Variants in CDS1 observed in about 807,000 individuals in gnomAD.
CDS1 encodes the protein phosphatidate cytidylyltransferase 1.
A neutral mutation model predicts 62.1 loss-of-function variants in CDS1; 41 were observed. That is an observed-to-expected ratio of 0.66 (90% CI 0.51 to 0.86). The LOEUF (loss-of-function observed/expected upper bound fraction) is 0.86, where lower values mean the gene tolerates loss of function less well. Among genes scored for constraint, CDS1 ranks in the 40% least tolerant of loss-of-function variants. CDS1 has a pLI of 0.00. For synonymous variants in CDS1, 185 were observed against 192.6 expected (o/e 0.96, Z 0.32); for missense variants, 470 against 550.1 (o/e 0.85, Z 1.46).
chr4:84,639,316 A>G (rs750694862), intron 9 of CDS1, among the ~76,000 whole-genome samples: 22 of 152,154 alleles, frequency 1.4e-4, no homozygotes, highest in Admixed American at 2.0e-4. Context: ...TCTAACAGCT[A>G]TTCTGCCTTA....
At chr4:84,596,294 T>C (rs935192953) in intron 1 of CDS1, among the ~76,000 whole-genome samples, 8 of 152,162 alleles carry the variant, frequency 5.3e-5, no homozygotes, top group African/African-American at 1.7e-4. Context: ...TAAAATAATA[T>C]AAACTTACCT....
Position 84,583,330 on chromosome 4 carries a change from CTGCAGAACCCTGCT to C in CDS1, c.-66_-53del. The C allele has an allele frequency of 4.3e-6, 5 of 1,167,788 alleles. No individual in the cohort carries two copies. Among genetic ancestry groups the C allele is most frequent in the Non-Finnish European group, 6.2e-6 (5 of 802,954 alleles). The allele number at this position is 1,167,788 out of a possible 1,614,324, so 72.3% of individuals were successfully genotyped here. A position where few individuals can be genotyped will look rare whatever the true frequency, so the allele number is the denominator to read the frequency against. On this transcript the variant is annotated 5_prime_UTR_variant, in exon 1 of 13. Transcript: ENST00000295887. ...GCTGCGAGGTGGCGGGGCGCCCCGC[CTGCAGAACCCTGCT>C]TGCAGCTCAGGTTTCGGGGTGCTTG...
chr4:84,631,729 G>T (rs41282379), intron 5 of CDS1, 90 bp from the exon 6 acceptor site: 196,137 of 980,030 alleles, frequency 0.2, 21,859 homozygotes, highest in South Asian at 0.37. Context: ...GCCTAGCTGT[G>T]ATACAGCAAA....
chr4:84,635,147 A>C, intron 7 of CDS1, 117 bp from the exon 8 acceptor site: 1 of 605,180 alleles, frequency 1.7e-6, no homozygotes, highest in Non-Finnish European at 2.9e-6. Context: ...GGTAGGCTGC[A>C]GTGCAATCCA....
intron 10 of CDS1, 83 bp from the exon 11 acceptor site, chr4:84,642,941 C>T: frequency 7.5e-7 from 1 of 1,339,784 alleles, no homozygotes; most frequent in Non-Finnish European, 1.0e-6. Flanking sequence ...ACTATTTACA[C>T]AATGGTTCTT....
intron 7 of CDS1, 85 bp from the exon 8 acceptor site, chr4:84,635,179 T>G (rs952027956): frequency 5.8e-6 from 4 of 687,804 alleles, no homozygotes; most frequent in South Asian, 1.8e-5. Flanking sequence ...TGATGGTTCA[T>G]TATGAATCAT....
At chr4:84,593,719 G>A (rs1560464019) in intron 1 of CDS1, among the ~76,000 whole-genome samples, 2 of 152,056 alleles carry the variant, frequency 1.3e-5, no homozygotes, top group African/African-American at 4.8e-5. Flanking sequence ...GGCCAAGCTG[G>A]TCTCGAACTC....
At chr4:84,586,571 G>A (rs1722429747) in intron 1 of CDS1, among the ~76,000 whole-genome samples, 2 of 152,156 alleles carry the variant, frequency 1.3e-5, no homozygotes, top group African/African-American at 2.4e-5. Flanking sequence ...ATGGGGTGTG[G>A]CTGTAAATAC....
intron 5 of CDS1, among the ~76,000 whole-genome samples, chr4:84,626,721 G>A (rs767587274): frequency 2.0e-5 from 3 of 152,126 alleles, no homozygotes; most frequent in African/African-American, 7.2e-5. Context: ...AAAATGGCTC[G>A]GTTAGACCAA....
intron 5 of CDS1, among the ~76,000 whole-genome samples, 187 bp from the exon 6 acceptor site, chr4:84,631,632 A>AC (rs1341424915): frequency 2.6e-5 from 4 of 152,224 alleles, no homozygotes; most frequent in Non-Finnish European, 5.9e-5. Flanking sequence ...TTTGGAGAGT[A>AC]CAAGATTGTT....
rs893030492 is a variant in CDS1, at chr4:84,644,086, C to T, written c.1152+943C>T. 3.9e-5 allele frequency among the ~76,000 whole-genome samples: 6 copies of T among 152,030 alleles called. No homozygotes were observed. In the East Asian group the frequency reaches 7.7e-4, roughly 20 times the overall value. On this transcript the variant is annotated intron_variant, in intron 11 of 12. Coordinates refer to ENST00000295887, the MANE Select transcript of CDS1 (RefSeq NM_001263.4). ...TGTGGTTGAGAGTAGGAGATGAGAC[C>T]GCAGAGTTTGGTGGGACCAGATCAC...
At chr4:84,603,632 C>T (rs992090447) in intron 1 of CDS1, among the ~76,000 whole-genome samples, 1 of 152,182 alleles carries the variant, frequency 6.6e-6, no homozygotes, top group African/African-American at 2.4e-5. Context: ...ACTCACGCAG[C>T]TCCTGTACAT....
chr4:84,643,177 G>A, intron 11 of CDS1, 34 bp downstream of exon 11: 2 of 1,594,286 alleles, frequency 1.3e-6, no homozygotes, highest in Non-Finnish European at 1.7e-6. Context: ...TATTATTAGA[G>A]AATATAATTA....
intron 1 of CDS1, among the ~76,000 whole-genome samples, chr4:84,592,702 A>G (rs1406302164): frequency 1.3e-5 from 2 of 152,226 alleles, no homozygotes; most frequent in Non-Finnish European, 2.9e-5. Context: ...ACTCTTATCT[A>G]TGGAAATTTA....
chr4:84,627,459 G>A (rs1237951888), intron 5 of CDS1, among the ~76,000 whole-genome samples: 1 of 152,112 alleles, frequency 6.6e-6, no homozygotes, highest in Non-Finnish European at 1.5e-5. Context: ...CATCAACTTG[G>A]TGATTTGGAA....
intron 5 of CDS1, 60 bp from the exon 6 acceptor site, chr4:84,631,758 AG>A: frequency 1.4e-6 from 2 of 1,397,696 alleles, no homozygotes; most frequent in African/African-American, 1.4e-5. Flanking sequence ...TTTGGGCTCA[AG>A]GAATCTTAAC....
At chr4:84,631,170 T>C (rs542754781) in intron 5 of CDS1, among the ~76,000 whole-genome samples, 2 of 152,336 alleles carry the variant, frequency 1.3e-5, no homozygotes, top group East Asian at 3.9e-4. Flanking sequence ...CTGATCTCAG[T>C]TCATGGAACC....
chr4:84,611,099 G>A (rs1238484760), intron 3 of CDS1, among the ~76,000 whole-genome samples: 1 of 152,212 alleles, frequency 6.6e-6, no homozygotes. Flanking sequence ...GGTAAAGGAT[G>A]GAGTCTTGGG....
At chr4:84,607,186 C>A (rs1311247842) in intron 2 of CDS1, among the ~76,000 whole-genome samples, 1 of 152,006 alleles carries the variant, frequency 6.6e-6, no homozygotes, top group African/African-American at 2.4e-5. Context: ...TATTTTAGAT[C>A]CTGTGTGTAG....
Sources: allele counts gnomAD v4.1 joint callset (sites outside exome capture counted in the v4.1 genomes callset), GRCh38; gene constraint gnomAD v4.1.1; transcripts MANE v1.5; gene names NCBI Gene and HGNC (gene_info 2026-07-23, HGNC 2026-07-21).